The following SEZ6L2 variants were observed in gnomAD, a reference collection of about 807,000 sequenced individuals.
The protein encoded by SEZ6L2 is seizure related 6 homolog like 2.
SEZ6L2 carries 44 observed loss-of-function variants against 97.0 expected under a neutral mutation model. That is an observed-to-expected ratio of 0.45 (90% CI 0.36 to 0.58). The LOEUF (loss-of-function observed/expected upper bound fraction) is 0.58, where lower values mean the gene tolerates loss of function less well. Ranked by LOEUF, SEZ6L2 falls within the 20% of genes least tolerant of loss-of-function variation. The pLI is 0.00. For synonymous variants in SEZ6L2, 543 were observed against 546.1 expected, an observed-to-expected ratio of 0.99 and a Z score of 0.08; for missense variants, 1,086 against 1,233.3, an observed-to-expected ratio of 0.88 and a Z score of 1.79.
intron 5 of SEZ6L2, among the ~76,000 whole-genome samples, chr16:29,891,352 C>T (rs1462227716): frequency 1.3e-5 from 2 of 152,134 alleles, no homozygotes; most frequent in East Asian, 1.9e-4. Flanking sequence ...GCGTGAGCCA[C>T]CATACCTGGC....
At chr16:29,874,565 T>G (rs1461557061) in intron 12 of SEZ6L2, among the ~76,000 whole-genome samples, 2 of 95,174 alleles carry the variant, frequency 2.1e-5, no homozygotes, top group East Asian at 2.7e-4. Flanking sequence ...TTTTTTTTTT[T>G]TTTTTTTTTT....
chr16:29,881,620 CT>C (rs59318540), intron 8 of SEZ6L2, among the ~76,000 whole-genome samples: 477 of 85,138 alleles, frequency 5.6e-3, no homozygotes, highest in African/African-American at 0.022. Context: ...ATGAGGAATT[CT>C]TTTTTTTTTT....
chr16:29,887,888 G>A (rs1246406424), intron 6 of SEZ6L2, 71 bp from the exon 7 acceptor site: 62 of 1,531,300 alleles, frequency 4.0e-5, no homozygotes, highest in Middle Eastern at 2.2e-4. Context: ...GCCTCGGCCC[G>A]TTTTCAGAAC....
Position 29,873,541 on chromosome 16 carries a change from C to T in SEZ6L2, c.2293G>A (p.Ala765Thr), listed in dbSNP as rs375292147. Residue 765 changes from alanine (A) to threonine (T), a missense_variant, in exon 13 of 18, where the codon GCC becomes ACC. Coordinates refer to ENST00000617533, the MANE Select transcript of SEZ6L2 (RefSeq NM_001243332.2). This position sits in a 1 kb window ranked among gnomAD's most constrained non-coding sequence, Gnocchi z 4.3. ...CCAGGGTGTGCCCCAGACTCACAGGCGCATTTGGGGACCCTATCGCTCCAC... is the reference window on the plus strand; with the variant it reads ...CCAGGGTGTGCCCCAGACTCACAGGTGCATTTGGGGACCCTATCGCTCCAC... ...PKWSDRVPKC[A>T]LKYEPCLNPG... 45 of 1,614,034 alleles carry T rather than the reference C, an allele frequency of 2.8e-5. No individual in the cohort carries two copies. Among genetic ancestry groups the T allele is most frequent in the Admixed American group, 2.2e-4 (13 of 59,998 alleles).
At position 29,895,834 on chromosome 16, in the gene SEZ6L2, C is replaced by T. The variant is rs777251117; in HGVS notation, c.538G>A (p.Gly180Ser). 6.2e-7 allele frequency: 1 copy of T among 1,613,670 alleles called. No individual in the cohort carries two copies. Among genetic ancestry groups the T allele is most frequent in the South Asian group, 1.1e-5 (1 of 90,984 alleles). Residue 180 changes from glycine (G) to serine (S), a missense_variant, in exon 4 of 18, where the codon GGC becomes AGC. Around this residue, in one of 2 missense-constraint regions of SEZ6L2, gnomAD observed 776 missense variants for 794.7 expected, o/e 0.98. Coordinates refer to ENST00000617533, the MANE Select transcript of SEZ6L2 (RefSeq NM_001243332.2). Reference protein sequence around the residue: ...PVLCNNNISEGEGYVESPDLG... With the variant: ...PVLCNNNISESEGYVESPDLG... ...TCTGGAGACTCCACATACCCTTCGC[C>T]CTCGGAGATGTTGTTATTACACAGA...
chr16:29,875,799 A>G (rs567789528), intron 12 of SEZ6L2, among the ~76,000 whole-genome samples: 3 of 151,480 alleles, frequency 2.0e-5, no homozygotes, highest in East Asian at 1.9e-4. Flanking sequence ...AGTATCTGGG[A>G]TTACAGGCGT....
rs2067912259 is a variant in SEZ6L2 at position 29,876,740 on chromosome 16, G to A, written c.2104+16C>T. 6.6e-7 allele frequency: 1 copy of A among 1,522,476 alleles called. No individual in the cohort carries two copies. The highest frequency in any genetic ancestry group is 2.5e-5 in the East Asian group (1 of 40,298). The allele number at this position is 1,522,476 out of a possible 1,614,324, so 94.3% of individuals were successfully genotyped here. A position where few individuals can be genotyped will look rare whatever the true frequency, so the allele number is the denominator to read the frequency against. On this transcript the variant is annotated intron_variant, in intron 12 of 17. Transcript: ENST00000617533. This position sits in a 1 kb window ranked among gnomAD's most constrained non-coding sequence, Gnocchi z 6.5. ...GAAGGGGCGGGGCCGAGGGGACGCG[G>A]GCGGGGCCGGCTCACTCTTTTGGCA...
At chr16:29,885,485 G>C in intron 8 of SEZ6L2, 101 bp downstream of exon 8, 1 of 1,278,852 alleles carries the variant, frequency 7.8e-7, no homozygotes, top group South Asian at 1.4e-5. Context: ...AACCCAGCAC[G>C]GAGATGAACA....
In SEZ6L2 at chr16:29,895,804, C is replaced by G. The variant is rs1248581694; in HGVS notation, c.568G>C (p.Gly190Arg). 1.2e-6 allele frequency: 2 copies of G among 1,614,032 alleles called. No homozygotes were observed. ...GEGYVESPDL[G>R]SPVSRTLGLL... The stretch of plus-strand genomic sequence containing the variant: ...CCCAGGGTGCGGCTGACGGGGCTCC[C>G]CAGATCTGGAGACTCCACATACCCT... The change falls in exon 4 of 18, where the codon GGG (glycine) becomes CGG (arginine). Residue 190 changes from glycine (G) to arginine (R), a missense_variant. By Grantham distance (125) the Gly-to-Arg change is moderately radical. Around this residue, in one of 2 missense-constraint regions of SEZ6L2, gnomAD observed 776 missense variants for 794.7 expected, o/e 0.98. Coordinates refer to ENST00000617533, the MANE Select transcript of SEZ6L2 (RefSeq NM_001243332.2).
chr16:29,873,695 G>T lies in SEZ6L2; in HGVS notation c.2139C>A (p.Asn713Lys). The change falls in exon 13 of 18, where the codon AAC (asparagine) becomes AAA (lysine). Residue 713 changes from asparagine (N) to lysine (K), a missense_variant. By Grantham distance (94) the Asn-to-Lys change is moderately conservative. Around this residue, in one of 2 missense-constraint regions of SEZ6L2, gnomAD observed 310 missense variants for 438.6 expected, o/e 0.71. Transcript: ENST00000617533. The surrounding 1 kb of genome is among the most constrained non-coding windows in gnomAD (Gnocchi z 4.3). ...CGGCGTCCGAGGCGGTGCGGTGCCC[G>T]TTGGCAATCTCGCCAGGGTCAGCAC... The part of the protein sequence containing the change: ...MTCADPGEIA[N>K]GHRTASDAGF... 1.9e-6 allele frequency: 3 copies of T among 1,606,554 alleles called. No individual in the cohort carries two copies. The highest frequency in any genetic ancestry group is 1.7e-5 in the Admixed American group (1 of 59,634).
At position 29,872,412 on chromosome 16, in the gene SEZ6L2, G is replaced by A; in HGVS notation, c.2642C>T (p.Thr881Ile). 2 of 1,613,856 alleles carry A rather than the reference G, an allele frequency of 1.2e-6. No homozygotes were observed. Among genetic ancestry groups the A allele is most frequent in the Non-Finnish European group, 1.7e-6 (2 of 1,179,700 alleles). The change falls in exon 16 of 18, where the codon ACC becomes ATC. Residue 881 changes from threonine to isoleucine, a missense_variant. Physicochemically the swap from Thr to Ile is moderately conservative, Grantham distance 89. Coordinates refer to ENST00000617533, the MANE Select transcript of SEZ6L2 (RefSeq NM_001243332.2). The part of the protein sequence containing the change: ...VLGSGVYIYY[T>I]KLQGKSLFGF... ...AGTCCCCAAGCAGGCTACTTACTTG[G>A]TGTAGTAGATGTAAACGCCACTGCC... is the stretch of plus-strand genomic sequence containing the variant.
intron 5 of SEZ6L2, among the ~76,000 whole-genome samples, chr16:29,890,936 T>C (rs2068259404): frequency 6.6e-6 from 1 of 150,668 alleles, no homozygotes; most frequent in African/African-American, 2.4e-5. Flanking sequence ...TTTATTATTA[T>C]TTATTTTATT....
Position 29,871,523 on chromosome 16 carries a change from C to A in SEZ6L2, c.*176G>T, listed in dbSNP as rs899204184. Reference sequence around the variant, plus strand: ...AGAGGCGGCTTTGGGCGGCAGGATGCTGGTTTATTTACTGTAGGATCTCCA... The same window carrying A: ...AGAGGCGGCTTTGGGCGGCAGGATGATGGTTTATTTACTGTAGGATCTCCA... On this transcript the variant is annotated 3_prime_UTR_variant, in exon 18 of 18. Coordinates refer to ENST00000617533, the MANE Select transcript of SEZ6L2 (RefSeq NM_001243332.2). 8 of 677,750 alleles carry A rather than the reference C, an allele frequency of 1.2e-5. No individual in the cohort carries two copies. The Admixed American group carries it at 1.4e-4, about 12-fold the overall frequency. 42.0% of individuals were successfully genotyped at this position (677,750 alleles called of 1,614,324 possible).
chr16:29,899,110 GTTTTT>G lies in SEZ6L2; in HGVS notation c.-96_-92del, dbSNP rs556364210. 4,268 of 497,554 alleles carry G rather than the reference GTTTTT, an allele frequency of 8.6e-3. No homozygotes were observed. Among genetic ancestry groups the G allele is most frequent in the East Asian group, 0.015 (349 of 23,158 alleles). The allele number at this position is 497,554 out of a possible 1,614,324, so 30.8% of individuals were successfully genotyped here. On this transcript the variant is annotated 5_prime_UTR_variant, in exon 1 of 18. Transcript: ENST00000617533. ...TCTCCGTTTATCTTTCCCTTTAATT[GTTTTT>G]TTTTTTTTTTTTTTTTTCCTCGTAG... is the stretch of plus-strand genomic sequence containing the variant.
chr16:29,896,262 CT>C (rs1160271432), intron 3 of SEZ6L2, among the ~76,000 whole-genome samples: 2 of 152,068 alleles, frequency 1.3e-5, no homozygotes, highest in East Asian at 3.8e-4. Flanking sequence ...CTGTGCCCCC[CT>C]CACCATCTTT....
In SEZ6L2 at chr16:29,895,322, G is replaced by A. The variant is rs1402612802; in HGVS notation, c.790C>T (p.Leu264=). ...GQVLRSPTNR[L]LLHFQSPRVP... ...CGTGGGCTCTGGAAGTGCAGAAGCA[G>A]CCGGTTGGTTGGGCTCCGAAGGACT... The change falls in exon 5 of 18, where the codon CTG becomes TTG. Residue 264 remains leucine, a synonymous_variant. Transcript: ENST00000617533. The A allele has an allele frequency of 6.2e-7, 1 of 1,614,140 alleles. No homozygotes were observed. Among genetic ancestry groups the A allele is most frequent in the Non-Finnish European group, 8.5e-7 (1 of 1,180,026 alleles).
intron 14 of SEZ6L2, 146 bp from the exon 15 acceptor site, chr16:29,872,889 G>T: frequency 1.4e-6 from 1 of 694,258 alleles, no homozygotes; most frequent in Non-Finnish European, 2.4e-6. Flanking sequence ...TTGTGGGGAA[G>T]AGAGAGGAGT....
chr16:29,895,557 A>G, intron 4 of SEZ6L2, 97 bp from the exon 5 acceptor site: 1 of 1,434,864 alleles, frequency 7.0e-7, no homozygotes, highest in Non-Finnish European at 9.5e-7. Context: ...GTAGCAGCCC[A>G]AAAGGCACCA....
chr16:29,896,428 C>T (rs1311942497), intron 3 of SEZ6L2, among the ~76,000 whole-genome samples: 10 of 152,068 alleles, frequency 6.6e-5, no homozygotes, highest in East Asian at 3.9e-4. Flanking sequence ...TACAGGCATG[C>T]GCCACCACGC....
Sources: allele counts gnomAD v4.1 joint callset (sites outside exome capture counted in the v4.1 genomes callset), GRCh38; gene constraint gnomAD v4.1.1; regional missense constraint gnomAD v4.1.1; non-coding constraint Gnocchi (gnomAD v3.1); transcripts MANE v1.5; gene names NCBI Gene and HGNC (gene_info 2026-07-23, HGNC 2026-07-21).